The following MOV10 variants were observed in gnomAD, a reference collection of about 807,000 sequenced individuals.
MOV10 encodes Mov10 RNA helicase.
In MOV10, 39 loss-of-function variants were observed where a neutral mutation model predicts 108.4. The ratio of observed to expected loss-of-function variants is 0.36; its 90% CI spans 0.28 to 0.47. The LOEUF (loss-of-function observed/expected upper bound fraction) is 0.47. Among genes scored for constraint, MOV10 ranks in the 20% least tolerant of loss-of-function variants. MOV10 has a pLI of 1.00. For synonymous variants in MOV10, 490 were observed against 523.1 expected (o/e 0.94, Z 0.86); for missense variants, 952 against 1,297.6 (o/e 0.73, Z 4.09).
intron 5 of MOV10, among the ~76,000 whole-genome samples, chr1:112,691,055 G>C (rs1673537872): frequency 6.6e-6 from 1 of 152,136 alleles, no homozygotes; most frequent in African/African-American, 2.4e-5. Flanking sequence ...GAGGCGGGCA[G>C]ATCACTTGAG....
At chr1:112,691,600 G>T (rs1282241022) in intron 5 of MOV10, 65 bp from the exon 6 acceptor site, 6 of 1,576,502 alleles carry the variant, frequency 3.8e-6, no homozygotes, top group Non-Finnish European at 5.2e-6. Context: ...ATCCACCCCA[G>T]AGGGGCGTTC....
chr1:112,687,208 A>G (rs1228223422), intron 2 of MOV10: 1 of 334,436 alleles, frequency 3.0e-6, no homozygotes, highest in South Asian at 2.3e-5. Context: ...AGCATTTTCT[A>G]TTATGCTTTT....
At chr1:112,686,078 C>T (rs1419579347) in intron 2 of MOV10, among the ~76,000 whole-genome samples, 1 of 152,208 alleles carries the variant, frequency 6.6e-6, no homozygotes, top group Non-Finnish European at 1.5e-5. Context: ...GCATGCACTT[C>T]CCAGTTTGTT....
At chr1:112,676,675 G>A (rs1022340560) in intron 2 of MOV10, among the ~76,000 whole-genome samples, 6 of 152,162 alleles carry the variant, frequency 3.9e-5, no homozygotes, top group African/African-American at 1.4e-4. Flanking sequence ...TCTTGTTAAA[G>A]GCAGACCAAG....
rs1165025138 is a variant in MOV10 at position 112,700,465 on chromosome 1, C to A, written c.2970C>A (p.Gly990=). ...CCCAGGAGCGGGAGGGTGAAGGGGGCCTGTCTCTGCAAGTGGAGCCAGAGT... is the reference window on the plus strand; with the variant it reads ...CCCAGGAGCGGGAGGGTGAAGGGGGACTGTCTCTGCAAGTGGAGCCAGAGT... ...YLPQEREGEG[G]LSLQVEPEWR... The change falls in exon 21 of 21, where the codon GGC becomes GGA. Residue 990 remains glycine, a synonymous_variant. Coordinates refer to ENST00000369645, the MANE Select transcript of MOV10 (RefSeq NM_001321324.2). The A allele has an allele frequency of 1.2e-6, 2 of 1,613,816 alleles. No homozygotes were observed. The highest frequency in any genetic ancestry group is 2.7e-5 in the African/African-American group (2 of 75,042).
Position 112,694,080 on chromosome 1 carries a change from G to A in MOV10, c.1203G>A (p.Leu401=), listed in dbSNP as rs1557765948. ...VLRGDHLFAL[L]SSETHQEDPI... ...GGGGCGACCACCTGTTTGCCCTTTT[G>A]TCCTCGGAGACACACCAGGAGGACC... The change falls in exon 8 of 21, where the codon TTG becomes TTA. Residue 401 remains leucine, a synonymous_variant. Transcript: ENST00000369645. This position sits in a 1 kb window ranked among gnomAD's most constrained non-coding sequence, Gnocchi z 4.1. The A allele has an allele frequency of 6.2e-7, 1 of 1,614,012 alleles. No individual in the cohort carries two copies. Among genetic ancestry groups the A allele is most frequent in the Non-Finnish European group, 8.5e-7 (1 of 1,179,982 alleles).
At chr1:112,697,812 T>G in intron 14 of MOV10, 182 bp from the exon 15 acceptor site, 1 of 645,930 alleles carries the variant, frequency 1.5e-6, no homozygotes, top group Non-Finnish European at 2.8e-6. Context: ...GAACTATATT[T>G]GGTTCTGCTT....
At chr1:112,698,922 C>G in intron 17 of MOV10, 133 bp downstream of exon 17, 1 of 751,278 alleles carries the variant, frequency 1.3e-6, no homozygotes, top group Non-Finnish European at 2.4e-6. Context: ...AGCTCGAGCT[C>G]TCCCTGAGCC....
rs1346081993 is a variant in MOV10 at position 112,694,941 on chromosome 1, A to G, written c.1620+45A>G. The G allele has an allele frequency of 6.4e-7, 1 of 1,571,386 alleles. No individual in the cohort carries two copies. The highest frequency in any genetic ancestry group is 1.2e-5 in the South Asian group (1 of 86,934). ...CTGGGGCCTGCACTCTGATTCCCCC[A>G]GCACCAAGCAGTTGTCCCCAGATTC... On this transcript the variant is annotated intron_variant, in intron 10 of 20. Transcript: ENST00000369645. The surrounding 1 kb of genome is among the most constrained non-coding windows in gnomAD (Gnocchi z 4.1).
chr1:112,681,729 C>G (rs931805791), intron 2 of MOV10, among the ~76,000 whole-genome samples: 3 of 152,052 alleles, frequency 2.0e-5, no homozygotes, highest in Non-Finnish European at 4.4e-5. Context: ...ATCCATCCCG[C>G]TATTCATTTA....
intron 2 of MOV10, among the ~76,000 whole-genome samples, chr1:112,679,683 A>G (rs1339906155): frequency 1.3e-5 from 2 of 152,098 alleles, no homozygotes; most frequent in Non-Finnish European, 2.9e-5. Flanking sequence ...CAGCTCACAG[A>G]AGAAATATAA....
At chr1:112,697,534 G>C (rs1262147531) in intron 14 of MOV10, among the ~76,000 whole-genome samples, 2 of 152,124 alleles carry the variant, frequency 1.3e-5, no homozygotes, top group Non-Finnish European at 2.9e-5. Context: ...TCAAATTAAA[G>C]AGCTGTATAC....
chr1:112,691,912 T>C, intron 6 of MOV10, 113 bp downstream of exon 6: 1 of 1,190,642 alleles, frequency 8.4e-7, no homozygotes, highest in Non-Finnish European at 1.2e-6. Flanking sequence ...TTCATTCCCT[T>C]ACTGAGCACG....
In MOV10 at chr1:112,675,034, G is replaced by A. The variant is rs1672069857; in HGVS notation, c.122G>A (p.Arg41His). ...GAGCGGCTGCGGACCATTTATAACCGCGACTTCAAGATCAGGTACGGGCCG... is the reference window on the plus strand; with the variant it reads ...GAGCGGCTGCGGACCATTTATAACCACGACTTCAAGATCAGGTACGGGCCG... ...DRERLRTIYNRDFKISFGTPA... is the reference protein window; with the variant it reads ...DRERLRTIYNHDFKISFGTPA... The change falls in exon 2 of 21, where the codon CGC (arginine) becomes CAC (histidine). Residue 41 changes from arginine to histidine, a missense_variant. Arg to His is a conservative substitution (Grantham distance 29, BLOSUM62 0). Around this residue, in one of 5 missense-constraint regions of MOV10, gnomAD observed 374 missense variants for 468.6 expected, o/e 0.80. Transcript: ENST00000369645. The surrounding 1 kb of genome is among the most constrained non-coding windows in gnomAD (Gnocchi z 4.7). 21 of 1,594,036 alleles carry A rather than the reference G, an allele frequency of 1.3e-5. No homozygotes were observed. The highest frequency in any genetic ancestry group is 1.7e-5 in the Non-Finnish European group (20 of 1,170,840).
rs775586121 is a variant in MOV10 at position 112,694,760 on chromosome 1, G to C, written c.1484G>C (p.Arg495Pro). 1 of 1,614,060 alleles carries C rather than the reference G, an allele frequency of 6.2e-7. No homozygotes were observed. The highest frequency in any genetic ancestry group is 1.7e-5 in the Admixed American group (1 of 60,022). ...GGTCCCTCTGCCAGGCTGTACGACC[G>C]GAGTCTGGAGTCAAACCCAGAGCAG... ...PSDVKLKLYD[R>P]SLESNPEQLQ... Residue 495 changes from arginine (R) to proline (P), a missense_variant, in exon 10 of 21, where the codon CGG (arginine) becomes CCG (proline). This residue lies in a region of MOV10 where 453 missense variants were observed against 611.5 expected (regional missense o/e 0.74). Coordinates refer to ENST00000369645, the MANE Select transcript of MOV10 (RefSeq NM_001321324.2). This position sits in a 1 kb window ranked among gnomAD's most constrained non-coding sequence, Gnocchi z 4.1.
intron 17 of MOV10, chr1:112,699,281 G>A (rs1446649419): frequency 8.1e-6 from 2 of 247,838 alleles, no homozygotes; most frequent in Non-Finnish European, 1.5e-5. Context: ...TGCAGCCAGG[G>A]TTGAAAACAC....
Position 112,699,777 on chromosome 1 carries a change from G to C in MOV10, c.2676G>C (p.Leu892=), listed in dbSNP as rs374666777. 1.2e-6 allele frequency: 2 copies of C among 1,614,098 alleles called. No homozygotes were observed. The highest frequency in any genetic ancestry group is 2.7e-5 in the African/African-American group (2 of 74,918). ...RSSQSFVQLD[L]DFNLGFLKNP... is the part of the protein sequence containing the mutation. ...GCCAGAGCTTTGTGCAGCTGGATCT[G>C]GACTTTAATCTGGGTTTCCTTAAGA... Residue 892 remains leucine, a synonymous_variant, in exon 18 of 21, where the codon CTG becomes CTC. Coordinates refer to ENST00000369645, the MANE Select transcript of MOV10 (RefSeq NM_001321324.2).
At chr1:112,699,161 A>C (rs945858249) in intron 17 of MOV10, 3 of 246,360 alleles carry the variant, frequency 1.2e-5, no homozygotes, top group Non-Finnish European at 2.3e-5. Context: ...TCACCTGGAG[A>C]GCTTTTAATA....
At chr1:112,695,927 A>C (rs916226316) in intron 11 of MOV10, among the ~76,000 whole-genome samples, 1 of 152,160 alleles carries the variant, frequency 6.6e-6, no homozygotes, top group Non-Finnish European at 1.5e-5. Context: ...CTGTAGCCCC[A>C]GCTACTCGGG....
Sources: gnomAD v4.1 joint callset for allele counts (sites outside exome capture counted in the v4.1 genomes callset) on GRCh38, gnomAD v4.1.1 for gene constraint, gnomAD v4.1.1 regional missense constraint, Gnocchi (gnomAD v3.1) non-coding constraint, MANE v1.5 for transcripts, NCBI Gene and HGNC (gene_info 2026-07-23, HGNC 2026-07-21) for gene names.